The following KLHL28 variants were observed in gnomAD, a reference collection of about 807,000 sequenced individuals.
KLHL28 encodes the protein kelch-like protein 28.
Under a neutral mutation model 48.3 loss-of-function variants are expected in KLHL28, and 22 were observed. The observed-to-expected ratio is 0.46, with a 90% CI of 0.33 to 0.65. KLHL28 has a LOEUF of 0.65. KLHL28 is among the 30% of genes least tolerant of loss of function. KLHL28 has a pLI of 0.03. For synonymous variants in KLHL28, 243 were observed against 242.4 expected (o/e 1.00, Z -0.02); for missense variants, 527 against 704.3 (o/e 0.75, Z 2.85).
At position 44,945,579 on chromosome 14, in the gene KLHL28, A is replaced by G; in HGVS notation, c.350T>C (p.Ile117Thr). Residue 117 changes from isoleucine to threonine, a missense_variant, in exon 2 of 5, where the codon ATA (isoleucine) becomes ACA (threonine). Ile to Thr is a moderately conservative substitution (Grantham distance 89, BLOSUM62 -1). Coordinates refer to ENST00000396128, the MANE Select transcript of KLHL28 (RefSeq NM_017658.5). ...SLLPAANLLQIKLVLKECCAF... is the reference protein window; with the variant it reads ...SLLPAANLLQTKLVLKECCAF... The stretch of plus-strand genomic sequence containing the variant: ...ACAACATTCTTTCAGGACAAGTTTT[A>G]TCTGGAGTAGGTTTGCTGCTGGCAG... The G allele has an allele frequency of 6.2e-7, 1 of 1,614,196 alleles. No homozygotes were observed. Among genetic ancestry groups the G allele is most frequent in the Non-Finnish European group, 8.5e-7 (1 of 1,180,026 alleles).
At chr14:44,960,834 A>G in intron 1 of KLHL28, 1 of 976,022 alleles carries the variant, frequency 1.0e-6, no homozygotes, top group Non-Finnish European at 1.5e-6. Flanking sequence ...GCTGTTTGGC[A>G]TATGTGACTC....
intron 3 of KLHL28, among the ~76,000 whole-genome samples, chr14:44,932,323 C>T (rs980618337): frequency 4.0e-5 from 6 of 151,832 alleles, no homozygotes; most frequent in Non-Finnish European, 8.8e-5. Context: ...AAAGCAATCA[C>T]TGTAGATTGC....
rs1018464129 is a variant in KLHL28, at chr14:44,924,989, C to A, written c.*4039G>T. Reference sequence around the variant, plus strand: ...TTTCAAATGTGTATCAACACCAAATCAATGTACTGTAAGTGAAAATCCAGT... The same window carrying A: ...TTTCAAATGTGTATCAACACCAAATAAATGTACTGTAAGTGAAAATCCAGT... On this transcript the variant is annotated 3_prime_UTR_variant, in exon 5 of 5. Transcript: ENST00000396128. 6.6e-6 allele frequency: 1 copy of A among 152,504 alleles called. No individual in the cohort carries two copies. The highest frequency in any genetic ancestry group is 1.5e-5 in the Non-Finnish European group (1 of 67,946). 9.4% of individuals were successfully genotyped at this position (152,504 alleles called of 1,614,324 possible).
chr14:44,931,342 G>T lies in KLHL28; in HGVS notation c.1543C>A (p.Pro515Thr). ...AATAAATTCTTATTACCTGTTCTAG[G>T]TTCTTTCATTGGTCTACACACAGTC... ...QWTVCRPMKE[P>T]RTGVGAAVID... Residue 515 changes from proline to threonine, a missense_variant, in exon 4 of 5, where the codon CCT (proline) becomes ACT (threonine). Physicochemically the swap from Pro to Thr is conservative, Grantham distance 38. Transcript: ENST00000396128. The T allele has an allele frequency of 6.2e-7, 1 of 1,608,826 alleles. No homozygotes were observed.
intron 2 of KLHL28, among the ~76,000 whole-genome samples, chr14:44,943,744 T>C (rs1429067190): frequency 1.3e-5 from 2 of 151,240 alleles, no homozygotes; most frequent in Admixed American, 1.3e-4. Context: ...AAACAGGGTC[T>C]CATTCTGTCA....
chr14:44,948,957 C>T (rs2138643774), intron 1 of KLHL28, among the ~76,000 whole-genome samples: 1 of 151,966 alleles, frequency 6.6e-6, no homozygotes, highest in African/African-American at 2.4e-5. Flanking sequence ...TCTGATTTAA[C>T]AAGGAGAATG....
At chr14:44,937,900 T>C (rs558192254) in intron 2 of KLHL28, among the ~76,000 whole-genome samples, 1 of 152,310 alleles carries the variant, frequency 6.6e-6, no homozygotes, top group East Asian at 1.9e-4. Context: ...CCCACCATAA[T>C]GGTATTAACC....
At chr14:44,930,209 T>G (rs1366069142) in intron 4 of KLHL28, among the ~76,000 whole-genome samples, 1 of 152,222 alleles carries the variant, frequency 6.6e-6, no homozygotes, top group Non-Finnish European at 1.5e-5. Context: ...TCTTGCATGT[T>G]TGTTTCAAAA....
Position 44,934,313 on chromosome 14 carries a change from A to G in KLHL28, c.1145T>C (p.Val382Ala). 7 of 1,613,872 alleles carry G rather than the reference A, an allele frequency of 4.3e-6. No homozygotes were observed. The highest frequency in any genetic ancestry group is 5.9e-6 in the Non-Finnish European group (7 of 1,179,750). ...GGCATAAAGTTCTCCTGCAAGTACT[A>G]CTACTCCAAGAGTACTTCGGCTTTC... ...MNESRSTLGVVVLAGELYALG... is the reference protein window; with the variant it reads ...MNESRSTLGVAVLAGELYALG... The change falls in exon 3 of 5, where the codon GTA (valine) becomes GCA (alanine). Residue 382 changes from valine to alanine, a missense_variant. Val to Ala is a moderately conservative substitution (Grantham distance 64). Transcript: ENST00000396128.
At chr14:44,929,332 T>C (rs1169649482) in intron 4 of KLHL28, 141 bp from the exon 5 acceptor site, 10 of 743,900 alleles carry the variant, frequency 1.3e-5, no homozygotes, top group Non-Finnish European at 1.6e-5. Context: ...CAATATACAG[T>C]AGTCCTCCCT....
In KLHL28 at chr14:44,927,157, C is replaced by A. The variant is rs532855149; in HGVS notation, c.*1871G>T. On this transcript the variant is annotated 3_prime_UTR_variant, in exon 5 of 5. Coordinates refer to ENST00000396128, the MANE Select transcript of KLHL28 (RefSeq NM_017658.5). The stretch of plus-strand genomic sequence containing the variant: ...TTCTAAATTAGAAGAGACTAAAAAT[C>A]ACTTGCAAGGTTTTATAATCTGTGC... The A allele has an allele frequency of 6.5e-6, 1 of 152,690 alleles. No individual in the cohort carries two copies. The highest frequency in any genetic ancestry group is 2.1e-4 in the South Asian group (1 of 4,824). The allele number at this position is 152,690 out of a possible 1,614,324, so 9.5% of individuals were successfully genotyped here.
intron 2 of KLHL28, among the ~76,000 whole-genome samples, chr14:44,937,633 T>C (rs796609250): frequency 4.6e-5 from 7 of 152,296 alleles, no homozygotes; most frequent in African/African-American, 1.4e-4. Context: ...TTATGGTCTT[T>C]TGATGGTGTC....
In KLHL28 at chr14:44,934,458, A is replaced by G. The variant is rs1288731534; in HGVS notation, c.1000T>C (p.Tyr334His). 2.5e-6 allele frequency: 4 copies of G among 1,613,986 alleles called. No homozygotes were observed. In the East Asian group the frequency reaches 6.7e-5, roughly 27 times the overall value. The change falls in exon 3 of 5, where the codon TAT (tyrosine) becomes CAT (histidine). Residue 334 changes from tyrosine to histidine, a missense_variant. Transcript: ENST00000396128. ...FGICVLDQKVYVIGGIATNVR... is the reference protein window; with the variant it reads ...FGICVLDQKVHVIGGIATNVR... The stretch of plus-strand genomic sequence containing the variant: ...TTAGTTGCAATACCACCTATAACAT[A>G]TACTTTTTGGTCTAAAACGCATATT...
chr14:44,960,918 T>C (rs2138685262), intron 1 of KLHL28: 3 of 1,540,790 alleles, frequency 1.9e-6, no homozygotes, highest in Non-Finnish European at 2.6e-6. Flanking sequence ...ATACTTGCAT[T>C]TGAAGTGCAT....
intron 1 of KLHL28, among the ~76,000 whole-genome samples, chr14:44,955,881 T>C (rs1413323199): frequency 2.0e-5 from 3 of 152,184 alleles, no homozygotes; most frequent in Non-Finnish European, 4.4e-5. Flanking sequence ...TAAATAGGCT[T>C]TCACTAGTCA....
chr14:44,951,141 G>A (rs1230433724), intron 1 of KLHL28, among the ~76,000 whole-genome samples: 1 of 152,218 alleles, frequency 6.6e-6, no homozygotes, highest in East Asian at 1.9e-4. Flanking sequence ...TTTCTATTCT[G>A]TAGCTCTATT....
intron 2 of KLHL28, among the ~76,000 whole-genome samples, chr14:44,935,508 T>A (rs1883772679): frequency 6.6e-6 from 1 of 152,080 alleles, no homozygotes; most frequent in Admixed American, 6.6e-5. Flanking sequence ...ATATAACATA[T>A]CAATTAAGTG....
chr14:44,934,653 A>T, intron 2 of KLHL28, 95 bp from the exon 3 acceptor site: 1 of 932,698 alleles, frequency 1.1e-6, no homozygotes, highest in Non-Finnish European at 1.6e-6. Context: ...GGACACAAAA[A>T]TTAAAAGCAC....
intron 1 of KLHL28, among the ~76,000 whole-genome samples, chr14:44,958,367 T>A (rs1192252756): frequency 6.6e-6 from 1 of 151,506 alleles, no homozygotes; most frequent in East Asian, 1.9e-4. Flanking sequence ...AGTAAATAAA[T>A]GGTGAACAGA....
Sources: allele counts gnomAD v4.1 joint callset (sites outside exome capture counted in the v4.1 genomes callset), GRCh38; gene constraint gnomAD v4.1.1; transcripts MANE v1.5; gene names NCBI Gene and HGNC (gene_info 2026-07-23, HGNC 2026-07-21).